Variants in SPAG16 observed in about 807,000 individuals in gnomAD.
SPAG16 encodes the protein sperm associated antigen 16, also known as sperm-associated antigen 16 protein.
Under a neutral mutation model 80.4 loss-of-function variants are expected in SPAG16, and 86 were observed. The observed-to-expected ratio is 1.07, with a 90% CI of 0.90 to 1.28. SPAG16 has a LOEUF of 1.28. Ranked by LOEUF, SPAG16 falls within the 50% of genes most tolerant of loss-of-function variation. The probability of loss-of-function intolerance (pLI) is 0.00; values close to 1 mark genes in which losing one functional copy is unlikely to be tolerated. For missense variants in SPAG16, 870 were observed against 765.3 expected (o/e 1.14, Z -1.61); for synonymous variants, 294 against 265.9 (o/e 1.11, Z -1.03).
At chr2:213,970,181 C>A (rs981566984) in intron 12 of SPAG16, among the ~76,000 whole-genome samples, 8 of 152,120 alleles carry the variant, frequency 5.3e-5, no homozygotes, top group Admixed American at 2.0e-4. Flanking sequence ...TATCTTAATA[C>A]TCTTGCATTG....
intron 15 of SPAG16, among the ~76,000 whole-genome samples, chr2:214,180,166 G>C (rs953904454): frequency 6.6e-6 from 1 of 151,566 alleles, no homozygotes; most frequent in Non-Finnish European, 1.5e-5. Flanking sequence ...TCCTGCAACT[G>C]GGGAGTAATT....
At chr2:213,906,490 A>AATTACT (rs2077440835) in intron 11 of SPAG16, among the ~76,000 whole-genome samples, 1 of 151,984 alleles carries the variant, frequency 6.6e-6, no homozygotes, top group Non-Finnish European at 1.5e-5. Context: ...TACCAATTAC[A>AATTACT]TTATTCACAG....
chr2:213,607,476 G>A (rs2061303397), intron 10 of SPAG16, among the ~76,000 whole-genome samples: 1 of 152,170 alleles, frequency 6.6e-6, no homozygotes, highest in Admixed American at 6.5e-5. Flanking sequence ...TTCACTCACA[G>A]CACCTGTGTT....
intron 12 of SPAG16, among the ~76,000 whole-genome samples, chr2:213,994,082 T>TA (rs1284027238): frequency 2.6e-5 from 4 of 152,226 alleles, no homozygotes; most frequent in African/African-American, 9.6e-5. Context: ...ATTAGTGTGA[T>TA]ACGATGTTAT....
intron 9 of SPAG16, among the ~76,000 whole-genome samples, chr2:213,407,637 G>GAGAGAC (rs2068701923): frequency 1.0e-5 from 1 of 98,808 alleles, no homozygotes; most frequent in Non-Finnish European, 2.3e-5. Context: ...GAGAGAGAGA[G>GAGAGAC]AGACAGACAG....
intron 15 of SPAG16, among the ~76,000 whole-genome samples, chr2:214,253,608 T>G (rs1690461447): frequency 6.6e-6 from 1 of 152,008 alleles, no homozygotes; most frequent in Non-Finnish European, 1.5e-5. Context: ...AAGGTCAGAT[T>G]GTTGTAGATG....
rs143084154 is a variant in SPAG16, at chr2:214,102,159, G to A, written c.1528-6037G>A. Among the ~76,000 whole-genome samples the A allele has an allele frequency of 3.6e-3, 510 of 140,168 alleles. 4 individuals carry two copies. The highest frequency in any genetic ancestry group is 0.013 in the African/African-American group (487 of 38,040). 92.0% of individuals were successfully genotyped at this position (140,168 alleles called of 152,430 possible). ...TTTCATTTATAATCTCCATGTAAGT[G>A]TGCTTACTTTTTCATTCAATAACTG... On this transcript the variant is annotated intron_variant, in intron 13 of 15. Transcript: ENST00000331683.
At chr2:213,703,768 CT>C (rs2065611872) in intron 10 of SPAG16, among the ~76,000 whole-genome samples, 1 of 152,200 alleles carries the variant, frequency 6.6e-6, no homozygotes, top group Non-Finnish European at 1.5e-5. Flanking sequence ...CTAGCCATTT[CT>C]TTTCAACAGG....
At chr2:213,350,982 A>ACC (rs1559442264) in intron 7 of SPAG16, among the ~76,000 whole-genome samples, 162 of 138,288 alleles carry the variant, frequency 1.2e-3, no homozygotes, top group Middle Eastern at 7.2e-3. Flanking sequence ...AAAAAAAAAA[A>ACC]CAAAAAACAA....
intron 15 of SPAG16, among the ~76,000 whole-genome samples, chr2:214,357,935 G>A (rs1698927399): frequency 6.6e-6 from 1 of 151,652 alleles, no homozygotes; most frequent in Non-Finnish European, 1.5e-5. Flanking sequence ...GTGAATCCTG[G>A]GTCCAAACTC....
chr2:213,376,884 A>G (rs2066906542), intron 9 of SPAG16, among the ~76,000 whole-genome samples: 1 of 152,200 alleles, frequency 6.6e-6, no homozygotes, highest in Non-Finnish European at 1.5e-5. Flanking sequence ...AGGAAGGAGA[A>G]TACCTGAAGT....
chr2:213,895,005 A>C (rs1475319119), intron 11 of SPAG16, among the ~76,000 whole-genome samples: 4 of 150,066 alleles, frequency 2.7e-5, no homozygotes, highest in Non-Finnish European at 4.4e-5. Flanking sequence ...AAAAAAAAAA[A>C]AAAAAAAAAA....
intron 12 of SPAG16, among the ~76,000 whole-genome samples, chr2:214,003,532 G>A (rs1385524289): frequency 6.6e-6 from 1 of 152,116 alleles, no homozygotes; most frequent in African/African-American, 2.4e-5. Context: ...TTCTACCTCA[G>A]TTTCCTTCTC....
intron 10 of SPAG16, among the ~76,000 whole-genome samples, chr2:213,717,555 CT>C (rs890199600): frequency 0.021 from 3,081 of 146,814 alleles, 121 homozygotes; most frequent in African/African-American, 0.072. Context: ...GACTTAAACT[CT>C]TTTTTTTTTT....
At chr2:213,521,204 C>A (rs530374780) in intron 10 of SPAG16, among the ~76,000 whole-genome samples, 1 of 152,136 alleles carries the variant, frequency 6.6e-6, no homozygotes, top group Non-Finnish European at 1.5e-5. Flanking sequence ...TTTCTGCTTA[C>A]TGGTATGATA....
Position 214,150,153 on chromosome 2 carries a change from T to A in SPAG16, c.1720+887T>A, listed in dbSNP as rs577415969. On this transcript the variant is annotated intron_variant, in intron 15 of 15. Transcript: ENST00000331683. The stretch of plus-strand genomic sequence containing the variant: ...ATAAGAAGAAAATATTTTATTGTTT[T>A]AAGATAGTCCACGTTTATTCTTTAG... Among the ~76,000 whole-genome samples the A allele has an allele frequency of 5.3e-5, 8 of 152,220 alleles. No individual in the cohort carries two copies. In the South Asian group the frequency reaches 1.4e-3, roughly 28 times the overall value.
At chr2:213,577,879 C>T (rs926996180) in intron 10 of SPAG16, among the ~76,000 whole-genome samples, 3 of 152,056 alleles carry the variant, frequency 2.0e-5, no homozygotes, top group African/African-American at 4.8e-5. Context: ...TTGCTCTGTT[C>T]CTGGGGTCAC....
At chr2:214,018,050 T>C (rs116211429) in intron 13 of SPAG16, among the ~76,000 whole-genome samples, 2,629 of 152,188 alleles carry the variant, frequency 0.017, 84 homozygotes, top group African/African-American at 0.06. Flanking sequence ...TTTAAATTGA[T>C]AGCTATGTAC....
chr2:213,285,140 T>G (rs368230600), intron 1 of SPAG16, among the ~76,000 whole-genome samples: 13 of 152,338 alleles, frequency 8.5e-5, no homozygotes, highest in African/African-American at 3.1e-4. Context: ...TTGATAGCAT[T>G]ATCTTCCTGA....
Sources: gnomAD v4.1 joint callset for allele counts (sites outside exome capture counted in the v4.1 genomes callset) on GRCh38, gnomAD v4.1.1 for gene constraint, MANE v1.5 for transcripts, NCBI Gene and HGNC (gene_info 2026-07-23, HGNC 2026-07-21) for gene names.